KHDC1: variants seen among roughly 807,000 people sequenced by gnomAD.
KHDC1 encodes KH homology domain-containing protein 1.
A neutral mutation model predicts 24.7 loss-of-function variants in KHDC1; 21 were observed. The observed-to-expected ratio is 0.85, with a 90% CI of 0.60 to 1.23. The LOEUF (loss-of-function observed/expected upper bound fraction) is 1.23. Ranked by LOEUF, KHDC1 falls within the 50% of genes most tolerant of loss-of-function variation. The pLI is 0.00. For synonymous variants in KHDC1, 98 were observed against 111.7 expected (o/e 0.88, Z 0.77); for missense variants, 274 against 298.5 (o/e 0.92, Z 0.61).
At chr6:73,307,996 G>C (rs551220620) in intron 1 of KHDC1, among the ~76,000 whole-genome samples, 1 of 151,826 alleles carries the variant, frequency 6.6e-6, no homozygotes, top group African/African-American at 2.4e-5. Context: ...TCTGCCTCCC[G>C]GGCTCAAGCG....
intron 2 of KHDC1, among the ~76,000 whole-genome samples, chr6:73,289,333 C>CAAAAAAAAAAAAAAAAAAAAAA: frequency 1.6e-5 from 1 of 62,638 alleles, no homozygotes; most frequent in Non-Finnish European, 2.9e-5. Flanking sequence ...GACTCCATCT[C>CAAAAAAAAAAAAAAAAAAAAAA]AAAAAAAAAA....
intron 2 of KHDC1, among the ~76,000 whole-genome samples, chr6:73,247,177 C>G (rs1469168516): frequency 6.6e-6 from 1 of 151,836 alleles, no homozygotes; most frequent in Non-Finnish European, 1.5e-5. Flanking sequence ...GGGGTTTCAC[C>G]ATGTCGGCCA....
chr6:73,277,379 C>T (rs142113087), intron 2 of KHDC1, among the ~76,000 whole-genome samples: 2,390 of 151,548 alleles, frequency 0.016, 45 homozygotes, highest in African/African-American at 0.054. Context: ...GCAGGAGAAT[C>T]GCCTGAACCC....
At position 73,263,700 on chromosome 6, in the gene KHDC1, G is replaced by A. The variant is rs146818021; in HGVS notation, c.207-21170C>T. Among the ~76,000 whole-genome samples, 76 of 152,170 alleles carry A rather than the reference G, an allele frequency of 5.0e-4. 1 individual carries two copies. The highest frequency in any genetic ancestry group is 1.7e-3 in the African/African-American group (69 of 41,510). On this transcript the variant is annotated intron_variant, in intron 2 of 4. Transcript: ENST00000370384. Reference sequence around the variant, plus strand: ...GATGCCTCCTGTCACGCATCACACCGTGGTGTATTTGAGATCCCATCTGCC... The same window carrying A: ...GATGCCTCCTGTCACGCATCACACCATGGTGTATTTGAGATCCCATCTGCC...
At chr6:73,247,099 T>C (rs1437167251) in intron 2 of KHDC1, among the ~76,000 whole-genome samples, 2 of 151,972 alleles carry the variant, frequency 1.3e-5, no homozygotes, top group African/African-American at 4.8e-5. Flanking sequence ...TGCCTCAGCC[T>C]CCTGATTAGC....
At chr6:73,292,309 C>T (rs1017082571) in intron 1 of KHDC1, 10 of 1,045,950 alleles carry the variant, frequency 9.6e-6, no homozygotes, top group Non-Finnish European at 1.5e-5. Context: ...TCTTTGACTA[C>T]CTGGCGGACA....
chr6:73,244,920 C>G (rs924806901), intron 2 of KHDC1, among the ~76,000 whole-genome samples: 1 of 152,042 alleles, frequency 6.6e-6, no homozygotes, highest in African/African-American at 2.4e-5. Context: ...AGAGCAAGAC[C>G]CTGTCTCTTA....
intron 2 of KHDC1, among the ~76,000 whole-genome samples, chr6:73,266,593 G>A (rs1324691149): frequency 6.6e-6 from 1 of 152,130 alleles, no homozygotes; most frequent in Non-Finnish European, 1.5e-5. Flanking sequence ...AATGTTGTTG[G>A]CCTCCTTACC....
intron 2 of KHDC1, among the ~76,000 whole-genome samples, chr6:73,262,044 C>A (rs955417105): frequency 6.6e-6 from 1 of 151,972 alleles, no homozygotes; most frequent in African/African-American, 2.4e-5. Flanking sequence ...GTGCCACAGC[C>A]CTCCAGCCTA....
intron 2 of KHDC1, among the ~76,000 whole-genome samples, chr6:73,248,121 T>C (rs1766703293): frequency 1.3e-5 from 2 of 152,190 alleles, no homozygotes; most frequent in Admixed American, 1.3e-4. Flanking sequence ...CATCAGGTCC[T>C]GGTCCTCCCT....
At chr6:73,283,433 T>C (rs536182925) in intron 2 of KHDC1, among the ~76,000 whole-genome samples, 26 of 152,164 alleles carry the variant, frequency 1.7e-4, no homozygotes, top group Admixed American at 9.8e-4. Flanking sequence ...TGTTTTGTTA[T>C]ATAGAGACAG....
At chr6:73,253,536 G>A (rs768906738) in intron 2 of KHDC1, among the ~76,000 whole-genome samples, 151 of 151,378 alleles carry the variant, frequency 1.0e-3, no homozygotes, top group Admixed American at 2.0e-3. Context: ...CTGGGTGAAA[G>A]AGCGAGAGTC....
intron 2 of KHDC1, among the ~76,000 whole-genome samples, chr6:73,250,590 C>T (rs146974452): frequency 3.3e-5 from 5 of 152,364 alleles, no homozygotes; most frequent in Admixed American, 1.3e-4. Context: ...TAATACAGTG[C>T]TTTATTAGCA....
chr6:73,293,258 A>G (rs1451384356), intron 1 of KHDC1: 2 of 652,282 alleles, frequency 3.1e-6, no homozygotes, highest in Non-Finnish European at 2.9e-6. Context: ...TGGGCAACTC[A>G]AGATTCTGGC....
At chr6:73,286,077 C>T (rs1020842248) in intron 2 of KHDC1, among the ~76,000 whole-genome samples, 13 of 152,192 alleles carry the variant, frequency 8.5e-5, no homozygotes, top group African/African-American at 2.9e-4. Flanking sequence ...GTCAACTCCG[C>T]AAGGCAAGAC....
intron 1 of KHDC1, among the ~76,000 whole-genome samples, chr6:73,307,452 T>A (rs1767986115): frequency 6.6e-6 from 1 of 151,938 alleles, no homozygotes; most frequent in Admixed American, 6.6e-5. Context: ...AATTAATTAA[T>A]TAAATAAAAT....
At chr6:73,248,846 T>C (rs2150554525) in intron 2 of KHDC1, among the ~76,000 whole-genome samples, 1 of 152,246 alleles carries the variant, frequency 6.6e-6, no homozygotes, top group Admixed American at 6.5e-5. Flanking sequence ...CGTATCAGTG[T>C]TAATGTCTGA....
chr6:73,288,447 C>T (rs1291817301), intron 2 of KHDC1, among the ~76,000 whole-genome samples: 1 of 151,992 alleles, frequency 6.6e-6, no homozygotes, highest in Non-Finnish European at 1.5e-5. Flanking sequence ...ATGGTTAAAC[C>T]CCATCTCTAC....
chr6:73,280,745 CCA>C (rs1767388381), intron 2 of KHDC1, among the ~76,000 whole-genome samples: 2 of 151,848 alleles, frequency 1.3e-5, no homozygotes, highest in Admixed American at 6.6e-5. Flanking sequence ...GTCTCAAACT[CCA>C]GACCTCAGGT....
Sources: gnomAD v4.1 joint callset for allele counts (sites outside exome capture counted in the v4.1 genomes callset) on GRCh38, gnomAD v4.1.1 for gene constraint, MANE v1.5 for transcripts, NCBI Gene and HGNC (gene_info 2026-07-23, HGNC 2026-07-21) for gene names.